Variants in LDB2 observed in about 807,000 individuals in gnomAD.
The protein encoded by LDB2 is LIM domain binding 2.
LDB2 carries 12 observed loss-of-function variants against 44.3 expected under a neutral mutation model. That is an observed-to-expected ratio of 0.27 (90% CI 0.17 to 0.44). The LOEUF is 0.44. Ranked by LOEUF, LDB2 falls within the 20% of genes least tolerant of loss-of-function variation. The pLI is 1.00. For missense variants in LDB2, 344 were observed against 473.5 expected (o/e 0.73, Z 2.54); for synonymous variants, 164 against 174.8 (o/e 0.94, Z 0.49).
intron 1 of LDB2, among the ~76,000 whole-genome samples, chr4:16,813,657 G>T (rs1049964401): frequency 1.3e-5 from 2 of 152,098 alleles, no homozygotes; most frequent in African/African-American, 4.8e-5. Flanking sequence ...GTGAGGTAGA[G>T]AACTCAAAGT....
intron 6 of LDB2, among the ~76,000 whole-genome samples, chr4:16,511,450 A>T (rs1378842040): frequency 6.6e-6 from 1 of 152,202 alleles, no homozygotes; most frequent in Non-Finnish European, 1.5e-5. Flanking sequence ...ATATATCTTT[A>T]AAAACAGAGC....
intron 1 of LDB2, among the ~76,000 whole-genome samples, chr4:16,801,327 G>A (rs1230999265): frequency 2.0e-5 from 3 of 152,172 alleles, no homozygotes; most frequent in South Asian, 2.1e-4. Context: ...GATAGGGATC[G>A]AAATTTGCTT....
intron 5 of LDB2, among the ~76,000 whole-genome samples, chr4:16,543,019 C>T (rs1057200292): frequency 1.0e-4 from 15 of 147,666 alleles, no homozygotes; most frequent in East Asian, 2.0e-4. Context: ...TGAGAACATG[C>T]GGTATTTGGT....
intron 5 of LDB2, among the ~76,000 whole-genome samples, chr4:16,552,392 T>C (rs982190957): frequency 2.6e-5 from 4 of 152,198 alleles, no homozygotes; most frequent in African/African-American, 9.6e-5. Flanking sequence ...AAAAGTTTGC[T>C]CTTAAAAAAC....
chr4:16,582,693 CTCAG>C lies in LDB2; in HGVS notation c.615+3225_615+3228del, dbSNP rs1486292330. ...GGCTTGGATAACTGCTGCAGGGACA[CTCAG>C]TCAGCAAGCCACAGCCCCCTCTAGA... On this transcript the variant is annotated intron_variant, in intron 5 of 7. Coordinates refer to ENST00000304523, the MANE Select transcript of LDB2 (RefSeq NM_001290.5). This position sits in a 1 kb window ranked among gnomAD's most constrained non-coding sequence, Gnocchi z 4.8. Among the ~76,000 whole-genome samples the C allele has an allele frequency of 6.6e-6, 1 of 152,184 alleles. No individual in the cohort carries two copies. Among genetic ancestry groups the C allele is most frequent in the Non-Finnish European group, 1.5e-5 (1 of 68,036 alleles).
At chr4:16,766,581 C>A (rs1467080361) in intron 1 of LDB2, among the ~76,000 whole-genome samples, 1 of 150,670 alleles carries the variant, frequency 6.6e-6, no homozygotes, top group Non-Finnish European at 1.5e-5. Context: ...TCTTGGCTCA[C>A]TGCAACCTCC....
intron 1 of LDB2, among the ~76,000 whole-genome samples, chr4:16,792,352 C>T (rs1267739116): frequency 6.6e-6 from 1 of 152,168 alleles, no homozygotes; most frequent in African/African-American, 2.4e-5. Flanking sequence ...TCATGACAAG[C>T]CTATAAGATA....
intron 1 of LDB2, among the ~76,000 whole-genome samples, chr4:16,845,295 G>C (rs753030865): frequency 1.3e-5 from 2 of 152,156 alleles, no homozygotes; most frequent in Non-Finnish European, 2.9e-5. Context: ...AATCACAACT[G>C]CAATGCATGT....
intron 5 of LDB2, among the ~76,000 whole-genome samples, chr4:16,529,106 G>T (rs1191250544): frequency 2.0e-5 from 3 of 152,144 alleles, no homozygotes; most frequent in African/African-American, 7.2e-5. Context: ...TGGGCTCAGT[G>T]CCTTACCCCC....
chr4:16,570,462 CAAAAAAAAAAAAAAAAAAAAAAAAAAAAA>C (rs71181175), intron 5 of LDB2, among the ~76,000 whole-genome samples: 2 of 16,592 alleles, frequency 1.2e-4, no homozygotes, highest in African/African-American at 1.4e-4. Flanking sequence ...GACTCTGTCT[CAAAAAAAAAAAAAAAAAAAAAAAAAAAAA>C]AAAAAAAAAA....
chr4:16,620,220 T>A (rs1728511949), intron 2 of LDB2, among the ~76,000 whole-genome samples: 1 of 152,218 alleles, frequency 6.6e-6, no homozygotes, highest in Non-Finnish European at 1.5e-5. Flanking sequence ...TGTTCATCCA[T>A]CACAGTTAGT....
chr4:16,666,562 A>G (rs1021651410), intron 2 of LDB2, among the ~76,000 whole-genome samples: 8 of 152,262 alleles, frequency 5.3e-5, no homozygotes, highest in South Asian at 2.1e-4. Flanking sequence ...GTGTTGCTTC[A>G]TGTTAAAGAG....
chr4:16,502,881 C>T lies in LDB2; in HGVS notation c.892-8G>A. The T allele has an allele frequency of 2.5e-6, 4 of 1,612,914 alleles. No homozygotes were observed. Among genetic ancestry groups the T allele is most frequent in the Non-Finnish European group, 3.4e-6 (4 of 1,178,968 alleles). On this transcript the variant is annotated splice_region_variant and splice_polypyrimidine_tract_variant and intron_variant, in intron 7 of 7. Coordinates refer to ENST00000304523, the MANE Select transcript of LDB2 (RefSeq NM_001290.5). The stretch of plus-strand genomic sequence containing the variant: ...TCCTACCACCATCACATCCTGTGAA[C>T]AGCAGCTGACATTATTACAGGGAAA...
chr4:16,722,292 C>T (rs1191397106), intron 2 of LDB2, among the ~76,000 whole-genome samples: 2 of 152,096 alleles, frequency 1.3e-5, no homozygotes, highest in African/African-American at 4.8e-5. Flanking sequence ...AAGTGAGGCA[C>T]AGAAAGTAGC....
At chr4:16,830,644 TTCC>T (rs1202155245) in intron 1 of LDB2, among the ~76,000 whole-genome samples, 2 of 152,232 alleles carry the variant, frequency 1.3e-5, no homozygotes, top group Non-Finnish European at 2.9e-5. Flanking sequence ...AGCAAGCATA[TTCC>T]TTTTTGTTTC....
chr4:16,805,167 C>T (rs904072165), intron 1 of LDB2, among the ~76,000 whole-genome samples: 12 of 152,094 alleles, frequency 7.9e-5, no homozygotes, highest in South Asian at 2.1e-4. Flanking sequence ...ATGAAGGCCT[C>T]GCTCCCATGT....
chr4:16,597,181 C>T (rs957504959), intron 2 of LDB2, among the ~76,000 whole-genome samples: 7 of 151,778 alleles, frequency 4.6e-5, no homozygotes, highest in Non-Finnish European at 7.4e-5. Context: ...AAGAAAATAC[C>T]CTGCCAAATT....
At chr4:16,854,219 C>A (rs1158402990) in intron 1 of LDB2, among the ~76,000 whole-genome samples, 1 of 151,888 alleles carries the variant, frequency 6.6e-6, no homozygotes, top group Non-Finnish European at 1.5e-5. Context: ...CTATAGTAGC[C>A]TTTATACTAT....
chr4:16,804,787 A>AT (rs1012936045), intron 1 of LDB2, among the ~76,000 whole-genome samples: 1 of 151,990 alleles, frequency 6.6e-6, no homozygotes, highest in African/African-American at 2.4e-5. Context: ...CTGATTTCTC[A>AT]TTTTTTTTCT....
Sources: gnomAD v4.1 joint callset for allele counts (sites outside exome capture counted in the v4.1 genomes callset) on GRCh38, gnomAD v4.1.1 for gene constraint, Gnocchi (gnomAD v3.1) non-coding constraint, MANE v1.5 for transcripts, NCBI Gene and HGNC (gene_info 2026-07-23, HGNC 2026-07-21) for gene names.